Variants in CDH12 observed in about 807,000 individuals in gnomAD.
The protein encoded by CDH12 is cadherin 12.
A neutral mutation model predicts 74.1 loss-of-function variants in CDH12; 41 were observed. That is an observed-to-expected ratio of 0.55 (90% confidence interval 0.43 to 0.72). The LOEUF is 0.72. Among genes scored for constraint, CDH12 ranks in the 30% least tolerant of loss-of-function variants. The pLI, the probability that CDH12 is intolerant of heterozygous loss-of-function variation, is 0.00. For missense variants in CDH12, 945 were observed against 977.2 expected (o/e 0.97, Z 0.44); for synonymous variants, 399 against 355.0 (o/e 1.12, Z -1.39).
At chr5:22,084,093 T>C (rs925805924) in intron 4 of CDH12, among the ~76,000 whole-genome samples, 2 of 152,154 alleles carry the variant, frequency 1.3e-5, no homozygotes, top group African/African-American at 4.8e-5. Flanking sequence ...ACTGTTCTCA[T>C]AGGATTGCAC....
chr5:22,039,264 C>T (rs986267324), intron 5 of CDH12, among the ~76,000 whole-genome samples: 11 of 152,040 alleles, frequency 7.2e-5, no homozygotes, highest in Non-Finnish European at 1.2e-4. Context: ...CTCCAGAGTA[C>T]CTCTTCTTCT....
chr5:22,549,867 A>G (rs1055340503), intron 1 of CDH12, among the ~76,000 whole-genome samples: 1 of 152,166 alleles, frequency 6.6e-6, no homozygotes, highest in African/African-American at 2.4e-5. Context: ...TATGGGTCTC[A>G]TATGTGAGCT....
rs375426411 is a variant in CDH12 at position 22,131,930 on chromosome 5, T to C, written c.-186-53068A>G. ...GTGCCCCCTTTTTCTTACACAGCAGTGGGCATGATTAGGAGGCAAAAAGCT... is the reference window on the plus strand; with the variant it reads ...GTGCCCCCTTTTTCTTACACAGCAGCGGGCATGATTAGGAGGCAAAAAGCT... On this transcript the variant is annotated intron_variant, in intron 4 of 14. Coordinates refer to ENST00000382254, the MANE Select transcript of CDH12 (RefSeq NM_004061.5). Among the ~76,000 whole-genome samples the C allele has an allele frequency of 3.1e-3, 465 of 152,186 alleles. 2 individuals are homozygous for C. The highest frequency in any genetic ancestry group is 4.9e-3 in the Non-Finnish European group (330 of 67,994).
At chr5:22,535,328 T>G (rs926117889) in intron 1 of CDH12, among the ~76,000 whole-genome samples, 32 of 151,860 alleles carry the variant, frequency 2.1e-4, no homozygotes, top group African/African-American at 7.0e-4. Flanking sequence ...CTAATTTTTT[T>G]TGTATTTTTA....
At chr5:22,758,519 C>T (rs1746047152) in intron 1 of CDH12, among the ~76,000 whole-genome samples, 1 of 151,328 alleles carries the variant, frequency 6.6e-6, no homozygotes, top group African/African-American at 2.4e-5. Context: ...TGTTCTCTAA[C>T]ATCCATTTGA....
intron 4 of CDH12, among the ~76,000 whole-genome samples, chr5:22,136,229 G>T (rs1381487151): frequency 2.0e-5 from 3 of 151,974 alleles, no homozygotes; most frequent in African/African-American, 7.2e-5. Flanking sequence ...CAGAAGGTAA[G>T]AAGTCAACAA....
chr5:22,570,341 G>T (rs1047978039), intron 1 of CDH12, among the ~76,000 whole-genome samples: 5 of 152,004 alleles, frequency 3.3e-5, no homozygotes, highest in African/African-American at 1.2e-4. Context: ...GAGCCACTGT[G>T]CCCGGCCATG....
intron 1 of CDH12, among the ~76,000 whole-genome samples, chr5:22,735,142 T>C (rs1179768798): frequency 1.3e-5 from 2 of 151,942 alleles, no homozygotes; most frequent in African/African-American, 4.8e-5. Flanking sequence ...TCTTCATTTA[T>C]CAAAGATGTT....
chr5:22,155,040 A>G (rs1049819764), intron 4 of CDH12, among the ~76,000 whole-genome samples: 22 of 152,122 alleles, frequency 1.4e-4, no homozygotes, highest in African/African-American at 5.1e-4. Flanking sequence ...CACCTCCTCC[A>G]GGCTGCTATC....
chr5:21,780,062 G>T (rs1745820119), intron 11 of CDH12, among the ~76,000 whole-genome samples: 1 of 152,124 alleles, frequency 6.6e-6, no homozygotes, highest in Non-Finnish European at 1.5e-5. Context: ...AGGAATATTA[G>T]TTTGGTATCA....
chr5:21,900,192 G>A (rs1052055703), intron 6 of CDH12, among the ~76,000 whole-genome samples: 1 of 152,068 alleles, frequency 6.6e-6, no homozygotes, highest in African/African-American at 2.4e-5. Flanking sequence ...GAATCCCAGA[G>A]CATATATCCA....
intron 2 of CDH12, among the ~76,000 whole-genome samples, chr5:22,454,001 A>G (rs888997521): frequency 2.6e-5 from 4 of 152,118 alleles, no homozygotes; most frequent in African/African-American, 9.7e-5. Context: ...TGAATATGAG[A>G]TATAATAAGT....
intron 2 of CDH12, among the ~76,000 whole-genome samples, chr5:22,467,572 T>A (rs1745787861): frequency 6.6e-6 from 1 of 152,242 alleles, no homozygotes; most frequent in Admixed American, 6.5e-5. Flanking sequence ...ATGGGCTTAA[T>A]GAGGGGAGGG....
chr5:21,992,899 T>C (rs544831937), intron 5 of CDH12, among the ~76,000 whole-genome samples: 2 of 152,314 alleles, frequency 1.3e-5, no homozygotes, highest in Admixed American at 1.3e-4. Context: ...TTCACAATAC[T>C]GCACGGCTGG....
At chr5:21,781,216 G>C (rs541223014) in intron 11 of CDH12, among the ~76,000 whole-genome samples, 1 of 152,234 alleles carries the variant, frequency 6.6e-6, no homozygotes, top group Admixed American at 6.5e-5. Context: ...AGCTAAAATT[G>C]AGAAACCGTG....
chr5:22,147,221 C>T (rs1246885058), intron 4 of CDH12, among the ~76,000 whole-genome samples: 2 of 152,094 alleles, frequency 1.3e-5, no homozygotes, highest in African/African-American at 4.8e-5. Flanking sequence ...GAACTAATGC[C>T]ATTTGATCAA....
rs368375613 is a variant in CDH12, at chr5:21,794,844, G to GT, written c.1256+7322dup. Among the ~76,000 whole-genome samples the GT allele has an allele frequency of 3.0e-3, 455 of 149,858 alleles. 1 individual carries two copies. The highest frequency in any genetic ancestry group is 0.01 in the African/African-American group (422 of 41,060). ...TTTTTCTTAATGTGAACTTTAAAAT[G>GT]TTTTTTTTTATGTAGAGCCCAATTT... On this transcript the variant is annotated intron_variant, in intron 10 of 14. Transcript: ENST00000382254.
intron 3 of CDH12, among the ~76,000 whole-genome samples, chr5:22,238,858 A>C (rs993807556): frequency 1.3e-5 from 2 of 152,192 alleles, no homozygotes; most frequent in Admixed American, 1.3e-4. Context: ...CCAAATAATG[A>C]GTAGGCTTAA....
At chr5:22,017,087 C>T (rs1737655725) in intron 5 of CDH12, among the ~76,000 whole-genome samples, 1 of 152,078 alleles carries the variant, frequency 6.6e-6, no homozygotes, top group African/African-American at 2.4e-5. Flanking sequence ...ATGTTGGCCA[C>T]CATATCAACT....
Sources: gnomAD v4.1 joint callset for allele counts (sites outside exome capture counted in the v4.1 genomes callset) on GRCh38, gnomAD v4.1.1 for gene constraint, MANE v1.5 for transcripts, NCBI Gene and HGNC (gene_info 2026-07-23, HGNC 2026-07-21) for gene names.